Variants in MYOZ2 observed in about 807,000 individuals in gnomAD.
MYOZ2 encodes the protein myozenin-2.
In MYOZ2, 19 loss-of-function variants were observed where a neutral mutation model predicts 25.4. That is an observed-to-expected ratio of 0.75 (90% confidence interval 0.52 to 1.10). MYOZ2 has a LOEUF of 1.10. Ranked by LOEUF, MYOZ2 falls within the 50% of genes least tolerant of loss-of-function variation. MYOZ2 has a pLI of 0.00. For missense variants in MYOZ2, 270 were observed against 317.9 expected (o/e 0.85, Z 1.15); for synonymous variants, 92 against 106.9 (o/e 0.86, Z 0.86).
chr4:119,166,711 G>A (rs375541341), intron 5 of MYOZ2, among the ~76,000 whole-genome samples: 2 of 152,158 alleles, frequency 1.3e-5, no homozygotes, highest in African/African-American at 4.8e-5. Flanking sequence ...TGTCAAGCAA[G>A]TCTATTGGTG....
chr4:119,173,978 C>G (rs538613257), intron 5 of MYOZ2, among the ~76,000 whole-genome samples: 1 of 152,250 alleles, frequency 6.6e-6, no homozygotes, highest in Non-Finnish European at 1.5e-5. Context: ...TGCCAGCCCA[C>G]CGGCGCTGCA....
At chr4:119,151,689 T>C (rs1380795639) in intron 3 of MYOZ2, among the ~76,000 whole-genome samples, 4 of 152,206 alleles carry the variant, frequency 2.6e-5, no homozygotes, top group African/African-American at 7.2e-5. Flanking sequence ...AAAAAGTTGA[T>C]AGTAGAAAGG....
At chr4:119,176,856 A>G (rs1742084239) in intron 5 of MYOZ2, among the ~76,000 whole-genome samples, 1 of 152,178 alleles carries the variant, frequency 6.6e-6, no homozygotes, top group Non-Finnish European at 1.5e-5. Flanking sequence ...TTAGTATGGG[A>G]ATTATCTTGA....
chr4:119,174,050 G>C (rs1179913456), intron 5 of MYOZ2, among the ~76,000 whole-genome samples: 1 of 152,328 alleles, frequency 6.6e-6, no homozygotes. Flanking sequence ...CCTGCAGCCC[G>C]CCATGCCTGA....
intron 2 of MYOZ2, among the ~76,000 whole-genome samples, chr4:119,146,703 G>C (rs1226145773): frequency 6.6e-6 from 1 of 152,052 alleles, no homozygotes; most frequent in African/African-American, 2.4e-5. Context: ...TTCTATTGTT[G>C]TTGAATAAAA....
chr4:119,154,583 AT>A (rs1741527478), intron 3 of MYOZ2, among the ~76,000 whole-genome samples: 1 of 152,144 alleles, frequency 6.6e-6, no homozygotes, highest in Admixed American at 6.6e-5. Context: ...CTGGAAATTA[AT>A]GTAGGTAGAA....
At chr4:119,165,916 G>A (rs1479443151) in intron 5 of MYOZ2, among the ~76,000 whole-genome samples, 2 of 152,144 alleles carry the variant, frequency 1.3e-5, no homozygotes, top group Non-Finnish European at 2.9e-5. Context: ...ATAAAGAGAT[G>A]CCTATTGACT....
intron 3 of MYOZ2, among the ~76,000 whole-genome samples, chr4:119,156,217 G>A (rs1261169403): frequency 2.6e-5 from 4 of 151,832 alleles, no homozygotes; most frequent in Middle Eastern, 3.2e-3. Flanking sequence ...TGGTAATGAC[G>A]GAGAGGGGTC....
intron 5 of MYOZ2, among the ~76,000 whole-genome samples, chr4:119,180,057 A>C (rs1416942760): frequency 6.6e-6 from 1 of 152,220 alleles, no homozygotes; most frequent in Admixed American, 6.5e-5. Flanking sequence ...AAATATGTAT[A>C]TTAAAAGGGG....
At chr4:119,141,512 A>C (rs887661880) in intron 2 of MYOZ2, among the ~76,000 whole-genome samples, 1 of 152,026 alleles carries the variant, frequency 6.6e-6, no homozygotes, top group Admixed American at 6.6e-5. Flanking sequence ...CCTCCCGAGT[A>C]GCTGGAATTA....
At chr4:119,156,216 C>T (rs959815205) in intron 3 of MYOZ2, among the ~76,000 whole-genome samples, 3 of 151,646 alleles carry the variant, frequency 2.0e-5, no homozygotes, top group South Asian at 2.1e-4. Flanking sequence ...ATGGTAATGA[C>T]GGAGAGGGGT....
At chr4:119,176,746 T>C (rs1012699778) in intron 5 of MYOZ2, among the ~76,000 whole-genome samples, 1 of 152,228 alleles carries the variant, frequency 6.6e-6, no homozygotes, top group Non-Finnish European at 1.5e-5. Flanking sequence ...TTCAGGTACC[T>C]TGTGATTATT....
intron 5 of MYOZ2, among the ~76,000 whole-genome samples, chr4:119,175,288 C>G (rs1220260600): frequency 1.3e-5 from 2 of 152,078 alleles, no homozygotes; most frequent in African/African-American, 2.4e-5. Flanking sequence ...TAATTGCCAA[C>G]CCAAATACTG....
At chr4:119,174,514 A>G (rs1742013885) in intron 5 of MYOZ2, among the ~76,000 whole-genome samples, 1 of 152,046 alleles carries the variant, frequency 6.6e-6, no homozygotes, top group Admixed American at 6.6e-5. Context: ...GCACCAATCC[A>G]CACTCTGTAT....
chr4:119,150,727 T>G (rs913192549), intron 2 of MYOZ2, 145 bp from the exon 3 acceptor site: 8 of 756,358 alleles, frequency 1.1e-5, no homozygotes, highest in African/African-American at 1.1e-4. Flanking sequence ...ACTTTAGAGA[T>G]GAAGGAACTG....
At chr4:119,179,464 A>G (rs191565599) in intron 5 of MYOZ2, among the ~76,000 whole-genome samples, 2 of 152,324 alleles carry the variant, frequency 1.3e-5, no homozygotes, top group East Asian at 3.9e-4. Context: ...ACAAACTCTC[A>G]TCTACTCATT....
At chr4:119,167,809 T>A (rs769749054) in intron 5 of MYOZ2, among the ~76,000 whole-genome samples, 2 of 152,258 alleles carry the variant, frequency 1.3e-5, no homozygotes, top group Non-Finnish European at 2.9e-5. Context: ...AAGCAAAGCC[T>A]GAATGACAGC....
chr4:119,168,710 CAAA>C (rs754534388), intron 5 of MYOZ2, among the ~76,000 whole-genome samples: 3 of 150,220 alleles, frequency 2.0e-5, no homozygotes, highest in East Asian at 3.9e-4. Context: ...ACAACAACAA[CAAA>C]AAACCACCTG....
intron 5 of MYOZ2, among the ~76,000 whole-genome samples, chr4:119,183,712 C>A (rs1219205670): frequency 6.6e-6 from 1 of 152,154 alleles, no homozygotes; most frequent in African/African-American, 2.4e-5. Flanking sequence ...AAAGCACATC[C>A]TGACCCACCC....
Sources: gnomAD v4.1 joint callset for allele counts (sites outside exome capture counted in the v4.1 genomes callset) on GRCh38, gnomAD v4.1.1 for gene constraint, MANE v1.5 for transcripts, NCBI Gene and HGNC (gene_info 2026-07-23, HGNC 2026-07-21) for gene names.